CALCR: variants seen among roughly 807,000 people sequenced by gnomAD.
The protein encoded by CALCR is calcitonin receptor.
CALCR carries 47 observed loss-of-function variants against 59.5 expected under a neutral mutation model. That is an observed-to-expected ratio of 0.79 (90% CI 0.63 to 1.01). The LOEUF is 1.01. Ranked by LOEUF, CALCR falls within the 50% of genes least tolerant of loss-of-function variation. CALCR has a pLI of 0.00. For synonymous variants in CALCR, 213 were observed against 211.3 expected, an observed-to-expected ratio of 1.01 and a Z score of -0.07; for missense variants, 566 against 597.1, an observed-to-expected ratio of 0.95 and a Z score of 0.54.
intron 2 of CALCR, among the ~76,000 whole-genome samples, chr7:93,556,718 C>T (rs934423717): frequency 9.2e-5 from 14 of 151,790 alleles, no homozygotes; most frequent in African/African-American, 3.4e-4. Flanking sequence ...ATATGATGAC[C>T]ATATTTTCAT....
At chr7:93,531,684 C>A (rs1205833525) in intron 2 of CALCR, among the ~76,000 whole-genome samples, 3 of 151,938 alleles carry the variant, frequency 2.0e-5, no homozygotes. Flanking sequence ...TGTGTTCATC[C>A]TTATACTAGT....
At chr7:93,450,745 A>G (rs1800092661) in intron 8 of CALCR, among the ~76,000 whole-genome samples, 1 of 151,868 alleles carries the variant, frequency 6.6e-6, no homozygotes, top group Non-Finnish European at 1.5e-5. Flanking sequence ...CAGGGTTTGT[A>G]GTTGTTATCT....
intron 2 of CALCR, among the ~76,000 whole-genome samples, chr7:93,533,952 A>T (rs1480259180): frequency 6.6e-6 from 1 of 151,814 alleles, no homozygotes; most frequent in Non-Finnish European, 1.5e-5. Flanking sequence ...TCTAGAGACC[A>T]TCTCTTTATC....
chr7:93,516,543 G>A (rs538249465), intron 2 of CALCR, among the ~76,000 whole-genome samples: 31 of 151,914 alleles, frequency 2.0e-4, no homozygotes, highest in African/African-American at 7.2e-4. Flanking sequence ...AGAGAATTCA[G>A]TATCATGAAA....
At chr7:93,484,025 G>A in intron 3 of CALCR, 1 of 515,704 alleles carries the variant, frequency 1.9e-6, no homozygotes, top group Non-Finnish European at 4.1e-6. Context: ...GCCACCAACA[G>A]CAGTAGTCAG....
chr7:93,516,604 G>A (rs1008893025), intron 2 of CALCR, among the ~76,000 whole-genome samples: 2 of 151,784 alleles, frequency 1.3e-5, no homozygotes, highest in Non-Finnish European at 2.9e-5. Flanking sequence ...AGGAGGCTAG[G>A]AACCATTATG....
At chr7:93,431,343 T>C (rs1799655033) in intron 13 of CALCR, among the ~76,000 whole-genome samples, 1 of 152,234 alleles carries the variant, frequency 6.6e-6, no homozygotes, top group African/African-American at 2.4e-5. Context: ...CCTGGCACCA[T>C]GTCCAACAGC....
intron 12 of CALCR, among the ~76,000 whole-genome samples, chr7:93,435,519 G>A (rs1230923193): frequency 6.6e-6 from 1 of 152,124 alleles, no homozygotes; most frequent in African/African-American, 2.4e-5. Flanking sequence ...TTATGACATT[G>A]AAGATCATGG....
At position 93,505,653 on chromosome 7, in the gene CALCR, A is replaced by G. The variant is rs1801409567; in HGVS notation, c.-26-18646T>C. On this transcript the variant is annotated intron_variant, in intron 2 of 13. Coordinates refer to ENST00000426151, the MANE Select transcript of CALCR (RefSeq NM_001742.4). ...TTATCTCCACTATAATACGTTAGAAAGACTAAATCAAGAGAGAAGTAGATA... is the reference window on the plus strand; with the variant it reads ...TTATCTCCACTATAATACGTTAGAAGGACTAAATCAAGAGAGAAGTAGATA... Among the ~76,000 whole-genome samples, 3 of 152,160 alleles carry G rather than the reference A, an allele frequency of 2.0e-5. No individual in the cohort carries two copies. The South Asian group carries it at 6.2e-4, about 32-fold the overall frequency.
chr7:93,451,987 A>C (rs931036757), intron 8 of CALCR, among the ~76,000 whole-genome samples: 1 of 151,964 alleles, frequency 6.6e-6, no homozygotes, highest in African/African-American at 2.4e-5. Context: ...CAAGGACATA[A>C]ACATGGAAAC....
chr7:93,554,349 G>A (rs959632255), intron 2 of CALCR, among the ~76,000 whole-genome samples: 1 of 152,002 alleles, frequency 6.6e-6, no homozygotes, highest in African/African-American at 2.4e-5. Flanking sequence ...TTCAACACTT[G>A]CTAGAATATA....
intron 2 of CALCR, among the ~76,000 whole-genome samples, chr7:93,506,026 G>A (rs574394708): frequency 4.6e-5 from 7 of 152,090 alleles, no homozygotes; most frequent in Admixed American, 1.3e-4. Flanking sequence ...TCTAAAATCC[G>A]GTGTACTCCA....
At chr7:93,444,770 T>G (rs1383788532) in intron 8 of CALCR, among the ~76,000 whole-genome samples, 1 of 152,016 alleles carries the variant, frequency 6.6e-6, no homozygotes, top group Non-Finnish European at 1.5e-5. Flanking sequence ...TCTTAGGTAT[T>G]AGGGAGTGGT....
In CALCR at chr7:93,445,688, C is replaced by G. The variant is rs1393295683; in HGVS notation, c.649-1931G>C. Among the ~76,000 whole-genome samples the G allele has an allele frequency of 5.3e-5, 8 of 152,150 alleles. No individual in the cohort carries two copies. In the East Asian group the frequency reaches 1.5e-3, roughly 29 times the overall value. ...TTGTTTTATGTGTTTTGTTTAAAGA[C>G]AACTTATTTAACATATGTTGCTGCT... On this transcript the variant is annotated intron_variant, in intron 8 of 13. Transcript: ENST00000426151.
intron 2 of CALCR, among the ~76,000 whole-genome samples, chr7:93,524,318 T>C (rs559019620): frequency 1.3e-3 from 204 of 151,764 alleles, no homozygotes; most frequent in East Asian, 2.5e-3. Context: ...TACAGGCGCC[T>C]GCCACCACGC....
At chr7:93,429,423 A>G (rs546263893) in intron 13 of CALCR, among the ~76,000 whole-genome samples, 19 of 152,306 alleles carry the variant, frequency 1.2e-4, no homozygotes, top group Admixed American at 2.0e-4. Flanking sequence ...TAAATTCATC[A>G]CTCACTAAAA....
intron 2 of CALCR, among the ~76,000 whole-genome samples, chr7:93,566,741 T>C (rs1027037115): frequency 5.3e-5 from 8 of 152,272 alleles, no homozygotes; most frequent in Admixed American, 2.6e-4. Context: ...CTGAGTATCA[T>C]TGTATCCTGC....
At chr7:93,476,081 A>G (rs1484127624) in intron 5 of CALCR, among the ~76,000 whole-genome samples, 1 of 151,456 alleles carries the variant, frequency 6.6e-6, no homozygotes, top group Non-Finnish European at 1.5e-5. Context: ...TCATAAGCTC[A>G]CAATTTTTTT....
chr7:93,468,617 G>T, intron 7 of CALCR, 98 bp downstream of exon 7: 1 of 711,700 alleles, frequency 1.4e-6, no homozygotes, highest in Non-Finnish European at 2.4e-6. Flanking sequence ...CTTGTAATTT[G>T]CTGAAGACCC....
Sources: gnomAD v4.1 joint callset for allele counts (sites outside exome capture counted in the v4.1 genomes callset) on GRCh38, gnomAD v4.1.1 for gene constraint, MANE v1.5 for transcripts, NCBI Gene and HGNC (gene_info 2026-07-23, HGNC 2026-07-21) for gene names.